STIP1: variants seen among roughly 807,000 people sequenced by gnomAD.
STIP1 encodes the protein stress-induced-phosphoprotein 1.
STIP1 carries 16 observed loss-of-function variants against 77.4 expected under a neutral mutation model. The observed-to-expected ratio is 0.21, with a 90% confidence interval of 0.14 to 0.31. The LOEUF is 0.31. Among genes scored for constraint, STIP1 ranks in the 10% least tolerant of loss-of-function variants. STIP1 has a pLI of 1.00. For missense variants in STIP1, 524 were observed against 684.8 expected (o/e 0.77, Z 2.62); for synonymous variants, 258 against 246.6 (o/e 1.05, Z -0.44).
chr11:64,186,372 GAGCTCGGCGCT>G, intron 1 of STIP1, 102 bp downstream of exon 1: 1 of 1,125,420 alleles, frequency 8.9e-7, no homozygotes, highest in Non-Finnish European at 1.2e-6. Flanking sequence ...CAGGAGACCG[GAGCTCGGCGCT>G]GGGGCCGGAC....
At chr11:64,192,668 C>T (rs528057790) in intron 1 of STIP1, among the ~76,000 whole-genome samples, 75 of 152,342 alleles carry the variant, frequency 4.9e-4, no homozygotes, top group African/African-American at 1.7e-3. Context: ...CAGTGCCACT[C>T]CGCCCACCTT....
At chr11:64,192,808 T>A (rs1406985260) in intron 1 of STIP1, among the ~76,000 whole-genome samples, 1 of 152,208 alleles carries the variant, frequency 6.6e-6, no homozygotes. Context: ...GTGAGCTCCA[T>A]GTGGAGACCG....
chr11:64,187,299 C>G (rs1946033870), intron 1 of STIP1, among the ~76,000 whole-genome samples: 1 of 152,108 alleles, frequency 6.6e-6, no homozygotes, highest in Non-Finnish European at 1.5e-5. Context: ...TCCAAGAAAC[C>G]TCTACCAACC....
upstream of STIP1, chr11:64,185,682 C>G: frequency 2.5e-6 from 3 of 1,191,124 alleles, no homozygotes; most frequent in Non-Finnish European, 2.3e-6. Flanking sequence ...AGCTACAGAC[C>G]CCGACTGCAG....
At chr11:64,185,703 C>T (rs906981827), upstream of STIP1, 15 of 1,358,116 alleles carry the variant, frequency 1.1e-5, no homozygotes, top group African/African-American at 1.3e-4. Context: ...CCGGTACTCC[C>T]ATATATCAGG....
At chr11:64,200,821 G>A (rs1358051820) in intron 10 of STIP1, among the ~76,000 whole-genome samples, 1 of 151,710 alleles carries the variant, frequency 6.6e-6, no homozygotes, top group African/African-American at 2.4e-5. Context: ...TTGTTGGTTT[G>A]TTTGAGACAG....
At chr11:64,196,672 G>C (rs184613692) in intron 5 of STIP1, among the ~76,000 whole-genome samples, 1 of 152,284 alleles carries the variant, frequency 6.6e-6, no homozygotes, top group African/African-American at 2.4e-5. Context: ...TAGAGCAGAA[G>C]GCATGTGCCT....
In STIP1 at chr11:64,197,361, G is replaced by A; in HGVS notation, c.763G>A (p.Asp255Asn). ...LKHYDKAKEL[D>N]PTNMTYITNQ... ...GCATTACGACAAAGCCAAGGAGCTGGACCCCACTAACATGACTTACATTAC... is the reference window on the plus strand; with the variant it reads ...GCATTACGACAAAGCCAAGGAGCTGAACCCCACTAACATGACTTACATTAC... Residue 255 changes from aspartate to asparagine, a missense_variant, in exon 6 of 14, where the codon GAC becomes AAC. Physicochemically the swap from Asp to Asn is conservative, Grantham distance 23 (BLOSUM62 1). Transcript: ENST00000305218. 6.2e-7 allele frequency: 1 copy of A among 1,613,980 alleles called. No individual in the cohort carries two copies. Among genetic ancestry groups the A allele is most frequent in the Non-Finnish European group, 8.5e-7 (1 of 1,180,004 alleles).
intron 2 of STIP1, among the ~76,000 whole-genome samples, chr11:64,193,922 A>G (rs776331852): frequency 6.6e-6 from 1 of 152,222 alleles, no homozygotes; most frequent in Non-Finnish European, 1.5e-5. Flanking sequence ...GTCTTTACCA[A>G]AAAAATAAGG....
chr11:64,187,881 T>C (rs1268605159), intron 1 of STIP1, among the ~76,000 whole-genome samples: 1 of 151,840 alleles, frequency 6.6e-6, no homozygotes, highest in Non-Finnish European at 1.5e-5. Flanking sequence ...GGCGGGAGCC[T>C]GTAGTCCCAG....
At chr11:64,197,053 G>T in intron 5 of STIP1, 1 of 588,928 alleles carries the variant, frequency 1.7e-6, no homozygotes, top group Non-Finnish European at 2.9e-6. Flanking sequence ...GAGAGTAGGT[G>T]GAAAAGGGGG....
rs1279518970 is a variant in STIP1, at chr11:64,204,228, T to C, written c.*102T>C. ...AAGGGAGAGCAGGGGAGAGAAGGCC[T>C]CATCTCTCTATATTTATACATAACC... On this transcript the variant is annotated 3_prime_UTR_variant, in exon 14 of 14. Coordinates refer to ENST00000305218, the MANE Select transcript of STIP1 (RefSeq NM_006819.3). 4.3e-6 allele frequency: 5 copies of C among 1,159,772 alleles called. No individual in the cohort carries two copies. The highest frequency in any genetic ancestry group is 6.3e-6 in the Non-Finnish European group (5 of 794,268). 71.8% of individuals were successfully genotyped at this position (1,159,772 alleles called of 1,614,324 possible). A position where few individuals can be genotyped will look rare whatever the true frequency, so the allele number is the denominator to read the frequency against.
chr11:64,194,383 T>C, intron 3 of STIP1, 53 bp downstream of exon 3: 4 of 1,610,640 alleles, frequency 2.5e-6, no homozygotes, highest in Non-Finnish European at 3.4e-6. Flanking sequence ...TAATTTTGAG[T>C]CTTCACCCCT....
intron 1 of STIP1, 115 bp from the exon 2 acceptor site, chr11:64,192,963 T>C: frequency 2.0e-6 from 2 of 980,232 alleles, no homozygotes; most frequent in South Asian, 3.0e-5. Context: ...TCTCTTCTGA[T>C]CTGTAAAGTC....
rs1400090440 is a variant in STIP1, at chr11:64,203,193, T to C, written c.1351T>C (p.Tyr451His). 9 of 1,614,202 alleles carry C rather than the reference T, an allele frequency of 5.6e-6. No homozygotes were observed. The highest frequency in any genetic ancestry group is 6.8e-6 in the Non-Finnish European group (8 of 1,180,050). Residue 451 changes from tyrosine (Y) to histidine (H), a missense_variant, in exon 12 of 14, where the codon TAC becomes CAC. Physicochemically the swap from Tyr to His is moderately conservative, Grantham distance 83. Transcript: ENST00000305218. ...MKDYTKAMDV[Y>H]QKALDLDSSC... ...GGACTACACCAAAGCCATGGATGTG[T>C]ACCAGAAGGCGCTAGACCTGGACTC...
At chr11:64,186,494 G>C (rs1473143803) in intron 1 of STIP1, 7 of 403,850 alleles carry the variant, frequency 1.7e-5, no homozygotes, top group African/African-American at 2.1e-5. Context: ...GGTTGGGCGA[G>C]GAGGGCCCGG....
Position 64,204,404 on chromosome 11 carries a change from G to A in STIP1, c.*278G>A. The A allele has an allele frequency of 4.5e-6, 2 of 445,902 alleles. No homozygotes were observed. The highest frequency in any genetic ancestry group is 7.9e-6 in the Non-Finnish European group (2 of 252,584). The allele number at this position is 445,902 out of a possible 1,614,324, so 27.6% of individuals were successfully genotyped here. On this transcript the variant is annotated 3_prime_UTR_variant, in exon 14 of 14. Coordinates refer to ENST00000305218, the MANE Select transcript of STIP1 (RefSeq NM_006819.3). ...TTGCTGTCTCGGCTGCTCTCCCATA[G>A]TTGGTTTTTTTTTTATTTGGGGCAG... is the stretch of plus-strand genomic sequence containing the variant.
Position 64,193,514 on chromosome 11 carries a change from T to C in STIP1, c.219+227T>C, listed in dbSNP as rs546916056. 118 of 530,042 alleles carry C rather than the reference T, an allele frequency of 2.2e-4. No homozygotes were observed. In the East Asian group the frequency reaches 4.0e-3, roughly 18 times the overall value. 32.8% of individuals were successfully genotyped at this position (530,042 alleles called of 1,614,324 possible). A position where few individuals can be genotyped will look rare whatever the true frequency, so the allele number is the denominator to read the frequency against. ...AGGAAGAGGCCAGGGCTGGGCGCGG[T>C]GACGCACGCCTGTGATCCCAACACT... is the stretch of plus-strand genomic sequence containing the variant. On this transcript the variant is annotated intron_variant, in intron 2 of 13. Coordinates refer to ENST00000305218, the MANE Select transcript of STIP1 (RefSeq NM_006819.3).
chr11:64,191,925 C>T (rs181825641), intron 1 of STIP1, among the ~76,000 whole-genome samples: 1 of 152,204 alleles, frequency 6.6e-6, no homozygotes, highest in East Asian at 1.9e-4. Flanking sequence ...GGCAGAGGTG[C>T]TCCTCTCTCC....
Sources: allele counts gnomAD v4.1 joint callset (sites outside exome capture counted in the v4.1 genomes callset), GRCh38; gene constraint gnomAD v4.1.1; transcripts MANE v1.5; gene names NCBI Gene and HGNC (gene_info 2026-07-23, HGNC 2026-07-21).